DLG2: variants seen among roughly 807,000 people sequenced by gnomAD.
DLG2 encodes disks large homolog 2.
Under a neutral mutation model 132.5 loss-of-function variants are expected in DLG2, and 45 were observed. The ratio of observed to expected loss-of-function variants is 0.34; its 90% confidence interval spans 0.27 to 0.44. DLG2 has a LOEUF of 0.44. Among genes scored for constraint, DLG2 ranks in the 20% least tolerant of loss-of-function variants. DLG2 has a pLI of 1.00. For missense variants in DLG2, 1,045 were observed against 1,196.9 expected (o/e 0.87, Z 1.87); for synonymous variants, 424 against 419.6 (o/e 1.01, Z -0.13).
chr11:84,754,992 T>A (rs1036013530), intron 6 of DLG2, among the ~76,000 whole-genome samples: 1 of 152,226 alleles, frequency 6.6e-6, no homozygotes, highest in Non-Finnish European at 1.5e-5. Flanking sequence ...AAGGCTTAGA[T>A]AATTCATAGG....
chr11:84,321,561 T>C (rs1435511187), intron 7 of DLG2, among the ~76,000 whole-genome samples: 1 of 152,134 alleles, frequency 6.6e-6, no homozygotes, highest in African/African-American at 2.4e-5. Flanking sequence ...AGGCCTTGAA[T>C]ACTTGAGCTC....
intron 7 of DLG2, among the ~76,000 whole-genome samples, chr11:84,499,301 C>G (rs1292146984): frequency 6.6e-6 from 1 of 152,076 alleles, no homozygotes; most frequent in African/African-American, 2.4e-5. Flanking sequence ...TAACATAATC[C>G]CTGATAATGG....
intron 6 of DLG2, chr11:84,640,138 G>T: frequency 3.4e-6 from 1 of 295,472 alleles, no homozygotes; most frequent in South Asian, 3.7e-5. Flanking sequence ...AGTCTCCTTG[G>T]AAAGAAAAAG....
At chr11:84,587,853 T>G (rs1399228965) in intron 6 of DLG2, among the ~76,000 whole-genome samples, 1 of 152,214 alleles carries the variant, frequency 6.6e-6, no homozygotes, top group East Asian at 1.9e-4. Context: ...ATTGCATTTT[T>G]GTAAAGAAAT....
chr11:85,353,733 C>T (rs1196697704), intron 3 of DLG2, among the ~76,000 whole-genome samples: 1 of 152,100 alleles, frequency 6.6e-6, no homozygotes, highest in Non-Finnish European at 1.5e-5. Flanking sequence ...CAAACTATCT[C>T]ATGGACAGAA....
At position 85,135,072 on chromosome 11, in the gene DLG2, T is replaced by G. The variant is rs142611340; in HGVS notation, c.282+19484A>C. Among the ~76,000 whole-genome samples, 3 of 152,314 alleles carry G rather than the reference T, an allele frequency of 2.0e-5. No individual in the cohort carries two copies. The East Asian group carries it at 5.8e-4, about 29-fold the overall frequency. The stretch of plus-strand genomic sequence containing the variant: ...ACAATAATTATTTTAACTCAATACT[T>G]CCTAAGCTTATCTAAGGGTGCGTAA... On this transcript the variant is annotated intron_variant, in intron 5 of 27. Coordinates refer to ENST00000376104, the MANE Select transcript of DLG2 (RefSeq NM_001142699.3).
At chr11:85,110,661 A>G (rs2072574677) in intron 6 of DLG2, among the ~76,000 whole-genome samples, 1 of 152,208 alleles carries the variant, frequency 6.6e-6, no homozygotes, top group Non-Finnish European at 1.5e-5. Flanking sequence ...AAAACTGAGG[A>G]AAAAAGCTTA....
chr11:85,426,235 T>C (rs1018772411), intron 3 of DLG2, among the ~76,000 whole-genome samples: 3 of 152,086 alleles, frequency 2.0e-5, no homozygotes, highest in African/African-American at 7.2e-5. Context: ...AACAAAATCC[T>C]CTGCAGACTT....
intron 6 of DLG2, among the ~76,000 whole-genome samples, chr11:84,834,378 G>A (rs1233330100): frequency 6.6e-6 from 1 of 151,514 alleles, no homozygotes; most frequent in African/African-American, 2.4e-5. Flanking sequence ...CTTGTTCACA[G>A]ACAACTTTAA....
rs181468500 is a variant in DLG2, at chr11:85,065,210, T to C, written c.357+46451A>G. Among the ~76,000 whole-genome samples, 443 of 151,712 alleles carry C rather than the reference T, an allele frequency of 2.9e-3. 1 individual carries two copies. Among genetic ancestry groups the C allele is most frequent in the Admixed American group, 4.5e-3 (69 of 15,196 alleles). On this transcript the variant is annotated intron_variant, in intron 6 of 27. Coordinates refer to ENST00000376104, the MANE Select transcript of DLG2 (RefSeq NM_001142699.3). ...AACACTACCCTAGAATAGTCCACTA[T>C]TTATTATTAGAAATATTGCTTCTAA...
At chr11:83,827,331 T>G (rs974220609) in intron 17 of DLG2, among the ~76,000 whole-genome samples, 3 of 152,164 alleles carry the variant, frequency 2.0e-5, no homozygotes, top group Non-Finnish European at 4.4e-5. Flanking sequence ...TTTAATTAAC[T>G]TGAAAATAGA....
intron 12 of DLG2, among the ~76,000 whole-genome samples, chr11:83,971,763 T>C (rs1349311499): frequency 6.6e-6 from 1 of 151,960 alleles, no homozygotes; most frequent in African/African-American, 2.4e-5. Flanking sequence ...AGCAGACCAA[T>C]CCAATGTAGT....
At chr11:83,690,709 T>C (rs1177589885) in intron 18 of DLG2, among the ~76,000 whole-genome samples, 5 of 151,860 alleles carry the variant, frequency 3.3e-5, no homozygotes, top group South Asian at 2.1e-4. Context: ...CTGCAAACCA[T>C]GGCCTGCAGG....
At chr11:84,596,493 G>A (rs1238409396) in intron 6 of DLG2, among the ~76,000 whole-genome samples, 1 of 151,668 alleles carries the variant, frequency 6.6e-6, no homozygotes, top group Non-Finnish European at 1.5e-5. Context: ...AAAGTGCTGG[G>A]ATTATAGGCT....
At chr11:83,636,209 T>G (rs1372981736) in intron 18 of DLG2, among the ~76,000 whole-genome samples, 1 of 152,164 alleles carries the variant, frequency 6.6e-6, no homozygotes, top group Non-Finnish European at 1.5e-5. Context: ...GCTACTTCAT[T>G]GCATTCATCA....
chr11:85,108,003 AAT>A (rs1194113060), intron 6 of DLG2, among the ~76,000 whole-genome samples: 5 of 71,058 alleles, frequency 7.0e-5, no homozygotes, highest in Non-Finnish European at 1.2e-4. Flanking sequence ...AAAACAAACA[AAT>A]AAACACACAC....
intron 6 of DLG2, among the ~76,000 whole-genome samples, chr11:84,656,092 A>G (rs2099687904): frequency 6.6e-6 from 1 of 152,182 alleles, no homozygotes; most frequent in African/African-American, 2.4e-5. Context: ...ACCATTAACA[A>G]CAAACCTCAC....
chr11:83,964,911 C>T (rs1043521818), intron 13 of DLG2, among the ~76,000 whole-genome samples: 9 of 151,944 alleles, frequency 5.9e-5, no homozygotes, highest in Non-Finnish European at 1.2e-4. Context: ...TCCCCTTTTT[C>T]AGGAAGAATC....
At chr11:84,923,218 TC>T in intron 6 of DLG2, 1 of 1,583,774 alleles carries the variant, frequency 6.3e-7, no homozygotes, top group Non-Finnish European at 8.6e-7. Flanking sequence ...GAGCATCCGT[TC>T]CCTCTGTCAG....
Sources: allele counts gnomAD v4.1 joint callset (sites outside exome capture counted in the v4.1 genomes callset), GRCh38; gene constraint gnomAD v4.1.1; transcripts MANE v1.5; gene names NCBI Gene and HGNC (gene_info 2026-07-23, HGNC 2026-07-21).